PTPN11: variants seen among roughly 807,000 people sequenced by gnomAD.
PTPN11 encodes the protein tyrosine-protein phosphatase non-receptor type 11.
Under a neutral mutation model 78.8 loss-of-function variants are expected in PTPN11, and 6 were observed. The observed-to-expected ratio is 0.08, with a 90% CI of 0.04 to 0.15. The LOEUF is 0.15. Ranked by LOEUF, PTPN11 falls within the 10% of genes least tolerant of loss-of-function variation. The pLI, the probability that PTPN11 is intolerant of heterozygous loss-of-function variation, is 1.00. For synonymous variants in PTPN11, 221 were observed against 263.5 expected (o/e 0.84, Z 1.56); for missense variants, 386 against 744.8 (o/e 0.52, Z 5.61).
intron 13 of PTPN11, among the ~76,000 whole-genome samples, chr12:112,497,701 GTGGAGTGTGAT>G (rs1276725107): frequency 5.9e-5 from 9 of 152,238 alleles, no homozygotes; most frequent in African/African-American, 1.9e-4. Flanking sequence ...GGGGGGCAAT[GTGGAGTGTGAT>G]GGGGAGATTG....
At chr12:112,459,978 C>G (rs2038224652) in intron 6 of PTPN11, among the ~76,000 whole-genome samples, 1 of 152,044 alleles carries the variant, frequency 6.6e-6, no homozygotes, top group Admixed American at 6.6e-5. Context: ...AGATGGATCT[C>G]ACTCTGTTGC....
chr12:112,486,453 G>A (rs1478646326), intron 10 of PTPN11, 22 bp from the exon 11 acceptor site: 1 of 1,602,936 alleles, frequency 6.2e-7, no homozygotes, highest in Non-Finnish European at 8.5e-7. Flanking sequence ...TTCTTTTCTG[G>A]TTTTTCTTGG....
chr12:112,479,644 C>T (rs1478869310), intron 9 of PTPN11, among the ~76,000 whole-genome samples: 2 of 152,030 alleles, frequency 1.3e-5, no homozygotes, highest in Non-Finnish European at 2.9e-5. Context: ...GGTTTTTTGC[C>T]CTAAATGTGG....
At chr12:112,458,127 T>C (rs564669445) in intron 6 of PTPN11, among the ~76,000 whole-genome samples, 9 of 152,356 alleles carry the variant, frequency 5.9e-5, no homozygotes, top group African/African-American at 2.2e-4. Flanking sequence ...GAGATAGATA[T>C]GATTTCCCAT....
At chr12:112,441,415 C>T (rs2135849252) in intron 1 of PTPN11, among the ~76,000 whole-genome samples, 1 of 152,200 alleles carries the variant, frequency 6.6e-6, no homozygotes, top group East Asian at 1.9e-4. Flanking sequence ...GCATATGCCA[C>T]CACACCTGGC....
chr12:112,473,927 A>G (rs920935013), intron 7 of PTPN11, among the ~76,000 whole-genome samples: 5 of 151,648 alleles, frequency 3.3e-5, no homozygotes, highest in Non-Finnish European at 7.4e-5. Flanking sequence ...ACATAGTCTC[A>G]CTCTGTTGCT....
Position 112,477,634 on chromosome 12 carries a change from G to T in PTPN11, c.854-17G>T, listed in dbSNP as rs372800542. On this transcript the variant is annotated splice_polypyrimidine_tract_variant and intron_variant, in intron 7 of 15. Transcript: ENST00000351677. ...GCAGTCCAGGACTTATGTGACCGTG[G>T]TCTCTTTTTCTTCTAGTTGATCATA... The T allele has an allele frequency of 1.9e-6, 3 of 1,597,558 alleles. No homozygotes were observed. Among genetic ancestry groups the T allele is most frequent in the Non-Finnish European group, 2.6e-6 (3 of 1,166,514 alleles).
rs139188627 is a variant in PTPN11, at chr12:112,504,722, T to C, written c.1740T>C (p.Tyr580=). 35 of 1,593,096 alleles carry C rather than the reference T, an allele frequency of 2.2e-5. No individual in the cohort carries two copies. In the African/African-American group the frequency reaches 3.4e-4, roughly 15 times the overall value. ...AEMREDSARV[Y]ENVGLMQQQK... is the part of the protein sequence containing the mutation. Reference sequence around the variant, plus strand: ...TGAGAGAAGACAGTGCTAGAGTCTATGAAAACGTGGGCCTGATGCAACAGC... The same window carrying C: ...TGAGAGAAGACAGTGCTAGAGTCTACGAAAACGTGGGCCTGATGCAACAGC... Residue 580 remains tyrosine (Y), a synonymous_variant, in exon 15 of 16, where the codon TAT becomes TAC. Transcript: ENST00000351677. The surrounding 1 kb of genome is among the most constrained non-coding windows in gnomAD (Gnocchi z 4.7).
intron 13 of PTPN11, among the ~76,000 whole-genome samples, chr12:112,501,118 A>C (rs1419842839): frequency 1.3e-5 from 2 of 152,172 alleles, no homozygotes; most frequent in African/African-American, 4.8e-5. Context: ...CCTATAGTGA[A>C]GTCAACATTA....
intron 9 of PTPN11, 94 bp downstream of exon 9, chr12:112,478,109 C>A: frequency 7.3e-7 from 1 of 1,369,750 alleles, no homozygotes; most frequent in Non-Finnish European, 1.0e-6. Flanking sequence ...ATGAATTAAG[C>A]TTACTGTAAC....
chr12:112,489,375 C>T (rs1207928797), intron 13 of PTPN11, among the ~76,000 whole-genome samples, 200 bp downstream of exon 13: 1 of 152,198 alleles, frequency 6.6e-6, no homozygotes, highest in African/African-American at 2.4e-5. Context: ...TGCAGAGGAG[C>T]TTAGGGAAGG....
At chr12:112,461,096 G>A (rs1436739568) in intron 6 of PTPN11, among the ~76,000 whole-genome samples, 2 of 151,910 alleles carry the variant, frequency 1.3e-5, no homozygotes, top group African/African-American at 4.8e-5. Flanking sequence ...GTTTTCTTTG[G>A]CAAGATAGCA....
At chr12:112,444,785 G>C (rs1363508880) in intron 1 of PTPN11, among the ~76,000 whole-genome samples, 1 of 152,166 alleles carries the variant, frequency 6.6e-6, no homozygotes, top group Non-Finnish European at 1.5e-5. Context: ...TTGGCCAGCA[G>C]AGGATCCTGC....
At chr12:112,439,409 T>TC (rs937167325) in intron 1 of PTPN11, among the ~76,000 whole-genome samples, 2 of 152,180 alleles carry the variant, frequency 1.3e-5, no homozygotes, top group African/African-American at 4.8e-5. Flanking sequence ...TTCTCATGCC[T>TC]CAGCCTCCCA....
At chr12:112,419,189 C>G in intron 1 of PTPN11, 64 bp downstream of exon 1, 1 of 1,389,164 alleles carries the variant, frequency 7.2e-7, no homozygotes, top group Non-Finnish European at 9.3e-7. Context: ...CGGTTAGCCC[C>G]GTCCGGAAGG....
At chr12:112,446,133 A>T (rs538745907) in intron 1 of PTPN11, 143 bp from the exon 2 acceptor site, 13 of 1,004,996 alleles carry the variant, frequency 1.3e-5, no homozygotes, top group East Asian at 2.6e-5. Context: ...CAAGGAGAAG[A>T]GGGGGAAGGG....
At chr12:112,442,830 T>TATATATATA (rs2037917251) in intron 1 of PTPN11, among the ~76,000 whole-genome samples, 2 of 43,532 alleles carry the variant, frequency 4.6e-5, no homozygotes, top group African/African-American at 1.4e-4. Context: ...CTCTCTCTTT[T>TATATATATA]TATATATATA....
intron 1 of PTPN11, among the ~76,000 whole-genome samples, chr12:112,429,539 C>T (rs1285909671): frequency 5.5e-5 from 8 of 145,946 alleles, no homozygotes; most frequent in South Asian, 2.2e-4. Flanking sequence ...CAGTGGCTCA[C>T]GCCTGTAATC....
intron 1 of PTPN11, among the ~76,000 whole-genome samples, chr12:112,430,762 G>A (rs2037700900): frequency 6.6e-6 from 1 of 151,324 alleles, no homozygotes; most frequent in Admixed American, 6.6e-5. Flanking sequence ...GTGGAGATGC[G>A]GTCTTACTTT....
Sources: gnomAD v4.1 joint callset for allele counts (sites outside exome capture counted in the v4.1 genomes callset) on GRCh38, gnomAD v4.1.1 for gene constraint, Gnocchi (gnomAD v3.1) non-coding constraint, MANE v1.5 for transcripts, NCBI Gene and HGNC (gene_info 2026-07-23, HGNC 2026-07-21) for gene names.